ST3GAL6: variants seen among roughly 807,000 people sequenced by gnomAD.
ST3GAL6 encodes type 2 lactosamine alpha-2,3-sialyltransferase.
In ST3GAL6, 31 loss-of-function variants were observed where a neutral mutation model predicts 40.5. The ratio of observed to expected loss-of-function variants is 0.77; its 90% CI spans 0.58 to 1.03. The LOEUF (loss-of-function observed/expected upper bound fraction) is 1.03. ST3GAL6 is among the 50% of genes least tolerant of loss of function. The pLI, the probability that ST3GAL6 is intolerant of heterozygous loss-of-function variation, is 0.00. For synonymous variants in ST3GAL6, 129 were observed against 136.9 expected (o/e 0.94, Z 0.40); for missense variants, 357 against 393.2 (o/e 0.91, Z 0.78).
At position 98,756,026 on chromosome 3, in the gene ST3GAL6, G is replaced by A. The variant is rs1322980846; in HGVS notation, c.-11-12404G>A. 2.0e-5 allele frequency among the ~76,000 whole-genome samples: 3 copies of A among 152,106 alleles called. No individual in the cohort carries two copies. The East Asian group carries it at 5.8e-4, about 29-fold the overall frequency. ...CACCTCTGCATTTCAAAATAAAGCT[G>A]CGTGTATGTGTGGAGAGAAGCTGGA... is the stretch of plus-strand genomic sequence containing the variant. On this transcript the variant is annotated intron_variant, in intron 1 of 9. Transcript: ENST00000265261.
intron 1 of ST3GAL6, chr3:98,732,773 C>A: frequency 7.6e-7 from 1 of 1,307,232 alleles, no homozygotes; most frequent in Non-Finnish European, 1.0e-6. Flanking sequence ...TGCTCCCCCG[C>A]CAGATCCGCG....
rs544009220 is a variant in ST3GAL6 at position 98,765,020 on chromosome 3, T to G, written c.-12+1581T>G. Among the ~76,000 whole-genome samples the G allele has an allele frequency of 2.6e-5, 4 of 152,336 alleles. No homozygotes were observed. In the East Asian group the frequency reaches 7.7e-4, roughly 29 times the overall value. ...AGAGCAGTGATTCTCAAAATTTTAG[T>G]GTGCATAAGAATCAAATTGGTGGAT... On this transcript the variant is annotated intron_variant, in intron 1 of 9. Coordinates refer to ENST00000483910, the MANE Select transcript of ST3GAL6 (RefSeq NM_001323368.2).
chr3:98,791,045 A>C (rs1292512733), intron 8 of ST3GAL6, among the ~76,000 whole-genome samples: 1 of 152,144 alleles, frequency 6.6e-6, no homozygotes, highest in African/African-American at 2.4e-5. Flanking sequence ...AATGGGAACT[A>C]TAAGAAACAC....
chr3:98,788,624 T>G (rs1452546161), intron 8 of ST3GAL6, among the ~76,000 whole-genome samples, 161 bp downstream of exon 8: 1 of 152,174 alleles, frequency 6.6e-6, no homozygotes, highest in Non-Finnish European at 1.5e-5. Context: ...GATATTATCT[T>G]TATGTTTTTC....
In ST3GAL6 at chr3:98,794,622, T is replaced by C. The variant is rs1941463710; in HGVS notation, c.*861T>C. 1 of 152,078 alleles carries C rather than the reference T, an allele frequency of 6.6e-6. No homozygotes were observed. The highest frequency in any genetic ancestry group is 1.9e-4 in the East Asian group (1 of 5,176). The allele number at this position is 152,078 out of a possible 1,614,324, so 9.4% of individuals were successfully genotyped here. A position where few individuals can be genotyped will look rare whatever the true frequency, so the allele number is the denominator to read the frequency against. On this transcript the variant is annotated 3_prime_UTR_variant, in exon 10 of 10. Coordinates refer to ENST00000483910, the MANE Select transcript of ST3GAL6 (RefSeq NM_001323368.2). ...AAAGTCAAGCTGAGGCCGGGCAGGG[T>C]GGCTCACACCTGTAATCCTAACAAA...
intron 1 of ST3GAL6, among the ~76,000 whole-genome samples, chr3:98,738,093 C>G (rs1357283869): frequency 8.3e-6 from 1 of 120,810 alleles, no homozygotes. Context: ...CCCCGCCCTC[C>G]CCCCACCCCC....
At chr3:98,781,749 T>C (rs1940149772) in intron 5 of ST3GAL6, among the ~76,000 whole-genome samples, 1 of 152,208 alleles carries the variant, frequency 6.6e-6, no homozygotes, top group Non-Finnish European at 1.5e-5. Context: ...CCTACAGCCT[T>C]CATTGAATGG....
At position 98,779,560 on chromosome 3, in the gene ST3GAL6, CAA is replaced by C. The variant is rs1199746519; in HGVS notation, c.336-5384_336-5383del. ...CATAGATCATTTGAAATGGGCAACT[CAA>C]GTTTGCTTGCTCTATATTGATTGTG... On this transcript the variant is annotated intron_variant, in intron 5 of 9. Transcript: ENST00000483910. 2.6e-5 allele frequency among the ~76,000 whole-genome samples: 4 copies of C among 152,278 alleles called. No homozygotes were observed. In the East Asian group the frequency reaches 7.7e-4, roughly 29 times the overall value.
chr3:98,781,653 G>A lies in ST3GAL6; in HGVS notation c.336-3292G>A, dbSNP rs1277330683. Among the ~76,000 whole-genome samples the A allele has an allele frequency of 2.0e-5, 3 of 152,102 alleles. No homozygotes were observed. In the East Asian group the frequency reaches 5.8e-4, roughly 29 times the overall value. ...GAGTCAGGTAGCCCAGTGTCAGACT[G>A]GGAACTCCAGGCCAGGATGGATGCA... On this transcript the variant is annotated intron_variant, in intron 5 of 9. Coordinates refer to ENST00000483910, the MANE Select transcript of ST3GAL6 (RefSeq NM_001323368.2).
At chr3:98,790,787 G>A (rs770062874) in intron 8 of ST3GAL6, among the ~76,000 whole-genome samples, 3 of 152,016 alleles carry the variant, frequency 2.0e-5, no homozygotes, top group South Asian at 2.1e-4. Context: ...TTATAAAGAC[G>A]GATGAAGGAC....
chr3:98,791,606 A>G lies in ST3GAL6; in HGVS notation c.757-235A>G, dbSNP rs368431194. Among the ~76,000 whole-genome samples the G allele has an allele frequency of 1.1e-3, 162 of 152,332 alleles. 5 individuals carry two copies. The South Asian group carries it at 0.032, about 30-fold the overall frequency. On this transcript the variant is annotated intron_variant, in intron 8 of 9. Transcript: ENST00000483910. Reference sequence around the variant, plus strand: ...TAGTTGTCCTCTGGGCTAATACCACAGCTATATTTTATTTTAAAGACTTCC... The same window carrying G: ...TAGTTGTCCTCTGGGCTAATACCACGGCTATATTTTATTTTAAAGACTTCC...
chr3:98,753,995 T>C (rs548253383), intron 1 of ST3GAL6, among the ~76,000 whole-genome samples: 1 of 152,358 alleles, frequency 6.6e-6, no homozygotes, highest in Non-Finnish European at 1.5e-5. Context: ...GTTGTTTTCA[T>C]GCCTGCTAAA....
chr3:98,770,985 A>G (rs1938923339), intron 3 of ST3GAL6, 29 bp downstream of exon 3: 6 of 1,604,668 alleles, frequency 3.7e-6, no homozygotes, highest in South Asian at 1.1e-5. Context: ...AACCTGTGGC[A>G]TACAAAATAT....
intron 1 of ST3GAL6, among the ~76,000 whole-genome samples, chr3:98,740,364 T>C (rs1935966112): frequency 1.3e-5 from 2 of 152,164 alleles, no homozygotes; most frequent in African/African-American, 4.8e-5. Context: ...ATTTTTTTTC[T>C]GCTTAAAAAT....
At chr3:98,747,036 T>C (rs952753217) in intron 1 of ST3GAL6, among the ~76,000 whole-genome samples, 4 of 152,198 alleles carry the variant, frequency 2.6e-5, no homozygotes, top group Non-Finnish European at 5.9e-5. Flanking sequence ...GTCTATGGTA[T>C]GTGGTAGGCA....
At chr3:98,747,916 A>G (rs1936688942) in intron 1 of ST3GAL6, among the ~76,000 whole-genome samples, 1 of 152,204 alleles carries the variant, frequency 6.6e-6, no homozygotes, top group African/African-American at 2.4e-5. Context: ...GGAAGGGACC[A>G]TAAATCTAGT....
At chr3:98,747,678 C>G (rs1936662682) in intron 1 of ST3GAL6, among the ~76,000 whole-genome samples, 1 of 152,158 alleles carries the variant, frequency 6.6e-6, no homozygotes, top group Admixed American at 6.5e-5. Flanking sequence ...TGAACCAGAT[C>G]TTTAGGCACC....
intron 8 of ST3GAL6, among the ~76,000 whole-genome samples, chr3:98,790,974 G>T (rs1258875875): frequency 6.6e-6 from 1 of 152,140 alleles, no homozygotes; most frequent in Non-Finnish European, 1.5e-5. Flanking sequence ...AATTGATTTG[G>T]TTGTGCTTCT....
chr3:98,753,649 A>C (rs1371860756), intron 1 of ST3GAL6, among the ~76,000 whole-genome samples: 2 of 152,230 alleles, frequency 1.3e-5, no homozygotes, highest in African/African-American at 4.8e-5. Flanking sequence ...TACCATTCCG[A>C]AAATCCTACA....
Sources: gnomAD v4.1 joint callset for allele counts (sites outside exome capture counted in the v4.1 genomes callset) on GRCh38, gnomAD v4.1.1 for gene constraint, MANE v1.5 for transcripts, NCBI Gene and HGNC (gene_info 2026-07-23, HGNC 2026-07-21) for gene names.